SMYD2: variants seen among roughly 807,000 people sequenced by gnomAD.
SMYD2 encodes the protein SET and MYND domain containing 2.
SMYD2 carries 53 observed loss-of-function variants against 59.1 expected under a neutral mutation model. The ratio of observed to expected loss-of-function variants is 0.90; its 90% CI spans 0.72 to 1.13. SMYD2 has a LOEUF of 1.13. SMYD2 is among the 50% of genes most tolerant of loss of function. The pLI is 0.00. For missense variants in SMYD2, 494 were observed against 544.7 expected (o/e 0.91, Z 0.93); for synonymous variants, 208 against 198.8 (o/e 1.05, Z -0.39).
chr1:214,337,112 G>GAAAA lies in SMYD2; in HGVS notation c.*328_*329insAAAA, dbSNP rs113921313. 420 of 197,432 alleles carry GAAAA rather than the reference G, an allele frequency of 2.1e-3. 18 individuals carry two copies. The South Asian group carries it at 0.038, about 18-fold the overall frequency. 12.2% of individuals were successfully genotyped at this position (197,432 alleles called of 1,614,324 possible). ...TTCTGAACAAACTTGAATGATGAAAGTATTAAAGAGATATCAGTATTTGAG... is the reference window on the plus strand; with the variant it reads ...TTCTGAACAAACTTGAATGATGAAAGAAAATATTAAAGAGATATCAGTATTTGAG... On this transcript the variant is annotated 3_prime_UTR_variant, in exon 12 of 12. Coordinates refer to ENST00000366957, the MANE Select transcript of SMYD2 (RefSeq NM_020197.3).
intron 5 of SMYD2, among the ~76,000 whole-genome samples, chr1:214,324,299 G>C (rs1410823437): frequency 6.6e-6 from 1 of 152,118 alleles, no homozygotes; most frequent in Non-Finnish European, 1.5e-5. Flanking sequence ...ATACAACAAA[G>C]CTGTAGCAGA....
At position 214,281,363 on chromosome 1, in the gene SMYD2, C is replaced by T; in HGVS notation, c.109C>T (p.Pro37Ser). 6.9e-7 allele frequency: 1 copy of T among 1,457,206 alleles called. No individual in the cohort carries two copies. Among genetic ancestry groups the T allele is most frequent in the Non-Finnish European group, 9.1e-7 (1 of 1,096,394 alleles). The allele number at this position is 1,457,206 out of a possible 1,614,324, so 90.3% of individuals were successfully genotyped here. Residue 37 changes from proline (P) to serine (S), a missense_variant, in exon 1 of 12, where the codon CCG (proline) becomes TCG (serine). Coordinates refer to ENST00000366957, the MANE Select transcript of SMYD2 (RefSeq NM_020197.3). ...FQVGDLLFSC[P>S]AYAYVLTVNE... ...GGTGGGGGACTTGCTGTTCTCCTGC[C>T]CGGCCTATGCCTACGTGCTCACGGT...
chr1:214,316,898 T>C (rs1657094432), intron 3 of SMYD2, among the ~76,000 whole-genome samples: 1 of 152,174 alleles, frequency 6.6e-6, no homozygotes, highest in Admixed American at 6.5e-5. Flanking sequence ...TCAGAGGGAA[T>C]AGGATGACTG....
At chr1:214,325,463 C>T (rs1222056266) in intron 6 of SMYD2, among the ~76,000 whole-genome samples, 5 of 152,226 alleles carry the variant, frequency 3.3e-5, no homozygotes. Flanking sequence ...TAGATAAGTT[C>T]TATCCAGAGG....
chr1:214,317,594 C>T (rs1446632086), intron 3 of SMYD2, among the ~76,000 whole-genome samples: 3 of 152,290 alleles, frequency 2.0e-5, no homozygotes, highest in Admixed American at 6.5e-5. Context: ...AAGCCAGCAA[C>T]GCGTTTAAAG....
intron 5 of SMYD2, 117 bp downstream of exon 5, chr1:214,319,100 C>G: frequency 7.3e-7 from 1 of 1,369,230 alleles, no homozygotes; most frequent in African/African-American, 1.4e-5. Context: ...TTCCTGACAA[C>G]GAAGCTCTGA....
At chr1:214,287,936 A>G (rs1656577342) in intron 1 of SMYD2, among the ~76,000 whole-genome samples, 1 of 152,236 alleles carries the variant, frequency 6.6e-6, no homozygotes, top group Non-Finnish European at 1.5e-5. Flanking sequence ...GCCATCCTTT[A>G]AGACTTCAAA....
chr1:214,315,402 G>C (rs1657068990), intron 3 of SMYD2, among the ~76,000 whole-genome samples: 1 of 152,102 alleles, frequency 6.6e-6, no homozygotes, highest in Admixed American at 6.6e-5. Context: ...ATAGAGGCAA[G>C]GGAGAGGGGA....
intron 1 of SMYD2, 27 bp downstream of exon 1, chr1:214,281,454 GGCGGGAGCCGGGGGCGCCGA>G (rs1053693651): frequency 2.0e-5 from 27 of 1,373,788 alleles, no homozygotes; most frequent in Admixed American, 6.1e-5. Flanking sequence ...GGCGGCGGCG[GGCGGGAGCCGGGGGCGCCGA>G]GCGGGAGGCT....
chr1:214,327,596 A>G, intron 6 of SMYD2, 26 bp from the exon 7 acceptor site: 1 of 1,600,166 alleles, frequency 6.2e-7, no homozygotes, highest in Non-Finnish European at 8.6e-7. Flanking sequence ...CATTTTAAAA[A>G]CTGGGTTTTC....
intron 1 of SMYD2, among the ~76,000 whole-genome samples, chr1:214,289,295 G>A (rs532890896): frequency 6.6e-6 from 1 of 152,274 alleles, no homozygotes; most frequent in Admixed American, 6.5e-5. Context: ...TAGGCTTACT[G>A]CTTTGAACTT....
At chr1:214,317,192 T>C (rs533052740) in intron 3 of SMYD2, among the ~76,000 whole-genome samples, 1 of 152,334 alleles carries the variant, frequency 6.6e-6, no homozygotes, top group South Asian at 2.1e-4. Flanking sequence ...GTAGTCTGAA[T>C]GCAAAGATGA....
chr1:214,296,543 A>G (rs1184417365), intron 1 of SMYD2, among the ~76,000 whole-genome samples: 1 of 151,958 alleles, frequency 6.6e-6, no homozygotes, highest in Non-Finnish European at 1.5e-5. Flanking sequence ...CATCACTTTA[A>G]AAAAAAAGCA....
intron 11 of SMYD2, among the ~76,000 whole-genome samples, chr1:214,334,949 C>T (rs1162775153): frequency 6.6e-6 from 1 of 152,212 alleles, no homozygotes; most frequent in Non-Finnish European, 1.5e-5. Flanking sequence ...AGCCAGAACC[C>T]TGGGCAGCAT....
At position 214,281,346 on chromosome 1, in the gene SMYD2, A is replaced by T; in HGVS notation, c.92A>T (p.Asp31Val). ...LRALQPFQVGDLLFSCPAYAY... is the reference protein window; with the variant it reads ...LRALQPFQVGVLLFSCPAYAY... ...GCTCTGCAGCCCTTCCAGGTGGGGG[A>T]CTTGCTGTTCTCCTGCCCGGCCTAT... Residue 31 changes from aspartate to valine, a missense_variant, in exon 1 of 12, where the codon GAC becomes GTC. Asp to Val is a radical substitution (Grantham distance 152). Coordinates refer to ENST00000366957, the MANE Select transcript of SMYD2 (RefSeq NM_020197.3). 1 of 1,448,352 alleles carries T rather than the reference A, an allele frequency of 6.9e-7. No homozygotes were observed. 89.7% of individuals were successfully genotyped at this position (1,448,352 alleles called of 1,614,324 possible).
chr1:214,293,011 TTG>T (rs58012666), intron 1 of SMYD2, among the ~76,000 whole-genome samples: 2,913 of 137,266 alleles, frequency 0.021, 50 homozygotes, highest in South Asian at 0.043. Flanking sequence ...CTTTTTCTGT[TTG>T]TGTGTGTGTG....
Position 214,332,199 on chromosome 1 carries a change from G to A in SMYD2, c.1112+7G>A, listed in dbSNP as rs377480785. ...AAATCATTAAGCCCTACAGGTGATT[G>A]CAGAGGCTGTTCTAATCATCCACGG... On this transcript the variant is annotated splice_region_variant and intron_variant, in intron 10 of 11. Transcript: ENST00000366957. The A allele has an allele frequency of 6.2e-7, 1 of 1,613,468 alleles. No individual in the cohort carries two copies. The highest frequency in any genetic ancestry group is 1.7e-5 in the Admixed American group (1 of 59,948).
chr1:214,288,692 G>C (rs953884128), intron 1 of SMYD2, among the ~76,000 whole-genome samples: 42 of 152,154 alleles, frequency 2.8e-4, no homozygotes, highest in African/African-American at 8.9e-4. Flanking sequence ...TGCTGATATG[G>C]ACTTAAACAT....
At chr1:214,320,690 C>G (rs1200498465) in intron 5 of SMYD2, among the ~76,000 whole-genome samples, 1 of 152,030 alleles carries the variant, frequency 6.6e-6, no homozygotes, top group African/African-American at 2.4e-5. Flanking sequence ...CTGTGAACAA[C>G]TATTAACAAT....
Sources: allele counts gnomAD v4.1 joint callset (sites outside exome capture counted in the v4.1 genomes callset), GRCh38; gene constraint gnomAD v4.1.1; transcripts MANE v1.5; gene names NCBI Gene and HGNC (gene_info 2026-07-23, HGNC 2026-07-21).